NDC80: variants seen among roughly 807,000 people sequenced by gnomAD.
The protein encoded by NDC80 is NDC80 kinetochore complex component, also known as kinetochore protein NDC80 homolog.
Under a neutral mutation model 89.3 loss-of-function variants are expected in NDC80, and 69 were observed. The observed-to-expected ratio is 0.77, with a 90% CI of 0.64 to 0.94. The LOEUF (loss-of-function observed/expected upper bound fraction) is 0.94, where lower values mean the gene tolerates loss of function less well. Among genes scored for constraint, NDC80 ranks in the 40% least tolerant of loss-of-function variants. The pLI, the probability that NDC80 is intolerant of heterozygous loss-of-function variation, is 0.00. For missense variants in NDC80, 593 were observed against 739.6 expected (o/e 0.80, Z 2.30); for synonymous variants, 243 against 255.6 (o/e 0.95, Z 0.47).
At chr18:2,595,646 G>A (rs980828446) in intron 11 of NDC80, 25 bp downstream of exon 11, 10 of 1,601,604 alleles carry the variant, frequency 6.2e-6, no homozygotes, top group Middle Eastern at 3.3e-4. Context: ...TTCCAGAGTG[G>A]CAACTCATCA....
intron 15 of NDC80, among the ~76,000 whole-genome samples, chr18:2,609,345 A>G (rs1232286967): frequency 1.3e-5 from 2 of 152,100 alleles, no homozygotes; most frequent in African/African-American, 4.8e-5. Context: ...CTACGGGAAA[A>G]CTGATATTGA....
At position 2,599,009 on chromosome 18, in the gene NDC80, G is replaced by A. The variant is rs759204858; in HGVS notation, c.1222-10G>A. On this transcript the variant is annotated splice_polypyrimidine_tract_variant and intron_variant, in intron 11 of 16. Transcript: ENST00000261597. ...TGCTTTAACATGTCTTATGTGTTCTGTTCTTACAGATTGAAACACAATTAG... is the reference window on the plus strand; with the variant it reads ...TGCTTTAACATGTCTTATGTGTTCTATTCTTACAGATTGAAACACAATTAG... 1.3e-6 allele frequency: 2 copies of A among 1,597,350 alleles called. No individual in the cohort carries two copies. The highest frequency in any genetic ancestry group is 1.1e-5 in the South Asian group (1 of 87,532).
intron 10 of NDC80, among the ~76,000 whole-genome samples, 187 bp from the exon 11 acceptor site, chr18:2,595,229 T>G (rs868051509): frequency 1.4e-5 from 2 of 146,600 alleles, no homozygotes; most frequent in Admixed American, 1.4e-4. Flanking sequence ...ACTTTGAAAT[T>G]TATATATATA....
chr18:2,594,549 AT>A (rs1301075114), intron 10 of NDC80: 1 of 163,954 alleles, frequency 6.1e-6, no homozygotes, highest in African/African-American at 2.4e-5. Context: ...ACTGGAATTA[AT>A]CAAATATGTG....
At chr18:2,610,665 G>T in intron 15 of NDC80, 94 bp from the exon 16 acceptor site, 1 of 704,216 alleles carries the variant, frequency 1.4e-6, no homozygotes, top group Non-Finnish European at 2.3e-6. Context: ...TCACAGTTTG[G>T]TTTTTTTGAA....
chr18:2,599,938 A>G (rs1376437856), intron 12 of NDC80, among the ~76,000 whole-genome samples: 2 of 152,230 alleles, frequency 1.3e-5, no homozygotes, highest in South Asian at 2.1e-4. Flanking sequence ...TAAAATATCA[A>G]GAAACATACA....
At chr18:2,610,050 A>G (rs1240185675) in intron 15 of NDC80, among the ~76,000 whole-genome samples, 1 of 152,174 alleles carries the variant, frequency 6.6e-6, no homozygotes, top group South Asian at 2.1e-4. Flanking sequence ...TTCCCTCACA[A>G]TTTTTAAAAC....
At chr18:2,583,409 T>C (rs1869739412) in intron 6 of NDC80, among the ~76,000 whole-genome samples, 1 of 152,100 alleles carries the variant, frequency 6.6e-6, no homozygotes, top group Non-Finnish European at 1.5e-5. Flanking sequence ...CATTATTAAA[T>C]CTGTGTGTTG....
Position 2,578,941 on chromosome 18 carries a change from T to A in NDC80, c.491T>A (p.Leu164Gln). ...IFKDLGYPFA[L>Q]SKSSMYTVGA... ...ATTTCTCATAGGTATCCTTTTGCAC[T>A]ATCCAAAAGCTCCATGTACACAGTG... Residue 164 changes from leucine to glutamine, a missense_variant, in exon 6 of 17, where the codon CTA becomes CAA. Coordinates refer to ENST00000261597, the MANE Select transcript of NDC80 (RefSeq NM_006101.3). The A allele has an allele frequency of 6.5e-7, 1 of 1,528,268 alleles. No homozygotes were observed. Among genetic ancestry groups the A allele is most frequent in the East Asian group, 2.4e-5 (1 of 41,464 alleles). 94.7% of individuals were successfully genotyped at this position (1,528,268 alleles called of 1,614,324 possible). A position where few individuals can be genotyped will look rare whatever the true frequency, so the allele number is the denominator to read the frequency against.
At chr18:2,608,937 A>G (rs1431705870) in intron 15 of NDC80, 107 bp downstream of exon 15, 1 of 1,215,230 alleles carries the variant, frequency 8.2e-7, no homozygotes, top group African/African-American at 1.5e-5. Context: ...GTATACAGCT[A>G]TTTAGGATGG....
intron 11 of NDC80, among the ~76,000 whole-genome samples, chr18:2,597,977 T>C (rs1450929299): frequency 6.6e-6 from 1 of 152,218 alleles, no homozygotes; most frequent in Non-Finnish European, 1.5e-5. Context: ...GTTATATATA[T>C]GGGTCTGGAC....
intron 3 of NDC80, 111 bp from the exon 4 acceptor site, chr18:2,577,635 A>T (rs2072553943): frequency 6.9e-6 from 8 of 1,154,518 alleles, no homozygotes; most frequent in Non-Finnish European, 9.9e-6. Flanking sequence ...GTTTAGTTAT[A>T]AGAACGTAAT....
rs200275053 is a variant in NDC80 at position 2,606,071 on chromosome 18, CTAAA to C, written c.1465-339_1465-336del. ...GCTAAATAGCTGTAGTAGATATAGT[CTAAA>C]TAAAGCTAGATTTCAAATCCAGAGG... On this transcript the variant is annotated intron_variant, in intron 13 of 16. Coordinates refer to ENST00000261597, the MANE Select transcript of NDC80 (RefSeq NM_006101.3). Among the ~76,000 whole-genome samples, 1,622 of 151,276 alleles carry C rather than the reference CTAAA, an allele frequency of 0.011. 68 individuals are homozygous for C. In the East Asian group the frequency reaches 0.14, roughly 13 times the overall value.
chr18:2,615,660 C>T (rs759866189), intron 16 of NDC80, among the ~76,000 whole-genome samples: 1 of 152,156 alleles, frequency 6.6e-6, no homozygotes, highest in Non-Finnish European at 1.5e-5. Flanking sequence ...TATTACTCAG[C>T]CTACTATACC....
At chr18:2,576,034 G>C (rs1386442485) in intron 3 of NDC80, among the ~76,000 whole-genome samples, 6 of 152,184 alleles carry the variant, frequency 3.9e-5, no homozygotes, top group Non-Finnish European at 8.8e-5. Context: ...AGAAGGTCGA[G>C]GCTCCGGTGA....
At chr18:2,604,521 A>G (rs1485797923) in intron 13 of NDC80, among the ~76,000 whole-genome samples, 1 of 152,188 alleles carries the variant, frequency 6.6e-6, no homozygotes, top group Non-Finnish European at 1.5e-5. Flanking sequence ...GCCACTACCA[A>G]AAATATAAAA....
At chr18:2,605,102 G>A (rs2072703088) in intron 13 of NDC80, among the ~76,000 whole-genome samples, 1 of 152,088 alleles carries the variant, frequency 6.6e-6, no homozygotes, top group South Asian at 2.1e-4. Flanking sequence ...ATGCCCAGGT[G>A]TCTTATCTTT....
At chr18:2,598,947 T>C (rs2143656451) in intron 11 of NDC80, 72 bp from the exon 12 acceptor site, 1 of 1,395,316 alleles carries the variant, frequency 7.2e-7, no homozygotes, top group Non-Finnish European at 9.4e-7. Flanking sequence ...TATAAAATTT[T>C]AGAAATGTCA....
chr18:2,578,843 T>C (rs943640680), intron 5 of NDC80, 84 bp from the exon 6 acceptor site: 2 of 807,600 alleles, frequency 2.5e-6, no homozygotes, highest in Non-Finnish European at 3.5e-6. Flanking sequence ...GTGGAATTTT[T>C]TAAATGTAAC....
Sources: allele counts gnomAD v4.1 joint callset (sites outside exome capture counted in the v4.1 genomes callset), GRCh38; gene constraint gnomAD v4.1.1; transcripts MANE v1.5; gene names NCBI Gene and HGNC (gene_info 2026-07-23, HGNC 2026-07-21).